Variants in UQCC5 observed in about 807,000 individuals in gnomAD.
UQCC5 encodes the protein ubiquinol-cytochrome c reductase complex assembly factor 5.
At chr3:52,537,242 G>A in the UQCC5 span, among the ~76,000 whole-genome samples, 3 of 152,212 alleles carry the variant, frequency 2.0e-5, no homozygotes, top group Non-Finnish European at 4.4e-5. Flanking sequence ...GATATGAGGG[G>A]TCAGGGAAAC....
chr3:52,536,948 C>T, the UQCC5 span: 1 of 1,549,384 alleles, frequency 6.5e-7, no homozygotes, highest in Non-Finnish European at 8.7e-7. Flanking sequence ...TTCAGGAAGG[C>T]ACGAGGCGGT....
At chr3:52,536,748 G>A in the UQCC5 span, 10 of 1,551,802 alleles carry the variant, frequency 6.4e-6, no homozygotes, top group Non-Finnish European at 2.6e-6. Context: ...CCACGACCTC[G>A]GTCGAGCATG....
the UQCC5 span, chr3:52,537,032 G>GT: frequency 7.7e-7 from 1 of 1,306,336 alleles, no homozygotes; most frequent in Non-Finnish European, 1.0e-6. Context: ...GGCGAGTGCA[G>GT]TTCCATTCGC....
At chr3:52,540,619 G>A in the UQCC5 span, 1 of 655,508 alleles carries the variant, frequency 1.5e-6, no homozygotes, top group Non-Finnish European at 2.5e-6. Context: ...TCCAATAACT[G>A]TTTTTGCAAA....
chr3:52,538,752 C>T, the UQCC5 span, among the ~76,000 whole-genome samples: 8 of 152,138 alleles, frequency 5.3e-5, no homozygotes, highest in African/African-American at 1.9e-4. Context: ...TGAGCCACTG[C>T]GCCTGGCCCA....
chr3:52,537,981 T>C, the UQCC5 span, among the ~76,000 whole-genome samples: 1 of 152,116 alleles, frequency 6.6e-6, no homozygotes, highest in East Asian at 1.9e-4. Context: ...GCTAGAAGGG[T>C]GCCTGGGCAG....
At chr3:52,536,747 C>G in the UQCC5 span, 20 of 1,551,808 alleles carry the variant, frequency 1.3e-5, no homozygotes, top group Non-Finnish European at 1.6e-5. Context: ...TCCACGACCT[C>G]GGTCGAGCAT....
At chr3:52,539,209 A>C in the UQCC5 span, among the ~76,000 whole-genome samples, 2 of 151,982 alleles carry the variant, frequency 1.3e-5, no homozygotes, top group Admixed American at 6.6e-5. Flanking sequence ...GAAGGGAGGA[A>C]GTTGGATTAA....
chr3:52,537,418 G>A, the UQCC5 span, among the ~76,000 whole-genome samples: 1 of 152,184 alleles, frequency 6.6e-6, no homozygotes. Flanking sequence ...GTAACGCCTG[G>A]CACTGCATTA....
the UQCC5 span, among the ~76,000 whole-genome samples, chr3:52,538,322 C>CT: frequency 6.6e-6 from 1 of 152,204 alleles, no homozygotes; most frequent in African/African-American, 2.4e-5. Flanking sequence ...CAGGGCCATC[C>CT]TGGGCACCAT....
chr3:52,536,686 C>T, the UQCC5 span: 7 of 1,531,540 alleles, frequency 4.6e-6, no homozygotes, highest in Non-Finnish European at 6.2e-6. Context: ...ACGGGCGGGG[C>T]GGTCTCGGCT....
chr3:52,536,845 T>C, the UQCC5 span: 2 of 1,551,756 alleles, frequency 1.3e-6, no homozygotes, highest in Non-Finnish European at 1.7e-6. Flanking sequence ...CCTTCTTTTT[T>C]GTCCTGGGAG....
the UQCC5 span, among the ~76,000 whole-genome samples, chr3:52,538,367 G>T: frequency 1.3e-5 from 2 of 152,228 alleles, no homozygotes; most frequent in Non-Finnish European, 2.9e-5. Flanking sequence ...GTTATACAGA[G>T]CTGAAGCTCA....
At chr3:52,538,610 C>T in the UQCC5 span, among the ~76,000 whole-genome samples, 2 of 152,150 alleles carry the variant, frequency 1.3e-5, no homozygotes, top group Non-Finnish European at 2.9e-5. Context: ...TACAGGCATG[C>T]ACCACCACGC....
chr3:52,541,797 C>T, the UQCC5 span: 2 of 152,204 alleles, frequency 1.3e-5, no homozygotes, highest in Non-Finnish European at 2.9e-5. Context: ...CCCTAACCCA[C>T]CTTGTTTTAG....
At chr3:52,537,616 A>C in the UQCC5 span, among the ~76,000 whole-genome samples, 1 of 152,224 alleles carries the variant, frequency 6.6e-6, no homozygotes, top group African/African-American at 2.4e-5. Flanking sequence ...TTGATACTTA[A>C]TGAGCATTCT....
chr3:52,539,387 AG>A, the UQCC5 span, among the ~76,000 whole-genome samples: 75 of 152,318 alleles, frequency 4.9e-4, no homozygotes, highest in Middle Eastern at 3.4e-3. Flanking sequence ...AGGGCTGGAA[AG>A]GTAACGGGGG....
chr3:52,539,950 C>A, the UQCC5 span, among the ~76,000 whole-genome samples: 1 of 152,148 alleles, frequency 6.6e-6, no homozygotes, highest in African/African-American at 2.4e-5. Flanking sequence ...AAAGAAGATT[C>A]TTTACATGAA....
At chr3:52,537,246 G>C in the UQCC5 span, among the ~76,000 whole-genome samples, 4 of 152,216 alleles carry the variant, frequency 2.6e-5, no homozygotes, top group Non-Finnish European at 5.9e-5. Flanking sequence ...TGAGGGGTCA[G>C]GGAAACTCCT....
Sources: gnomAD v4.1 joint callset for allele counts (sites outside exome capture counted in the v4.1 genomes callset) on GRCh38, gnomAD v4.1.1 for gene constraint, MANE v1.5 for transcripts, NCBI Gene and HGNC (gene_info 2026-07-23, HGNC 2026-07-21) for gene names.